The following TRIP12 variants were observed in gnomAD, a reference collection of about 807,000 sequenced individuals.
TRIP12 encodes the protein E3 ubiquitin-protein ligase TRIP12.
Under a neutral mutation model 244.2 loss-of-function variants are expected in TRIP12, and 25 were observed. The ratio of observed to expected loss-of-function variants is 0.10; its 90% CI spans 0.07 to 0.14. The LOEUF (loss-of-function observed/expected upper bound fraction) is 0.14, where lower values mean the gene tolerates loss of function less well. Among genes scored for constraint, TRIP12 ranks in the 10% least tolerant of loss-of-function variants. TRIP12 has a pLI of 1.00. For synonymous variants in TRIP12, 905 were observed against 873.1 expected (o/e 1.04, Z -0.64); for missense variants, 1,677 against 2,486.4 (o/e 0.67, Z 6.92).
At position 229,789,594 on chromosome 2, in the gene TRIP12, T is replaced by C. The variant is rs1309751508; in HGVS notation, c.4695+17A>G. On this transcript the variant is annotated intron_variant, in intron 31 of 41. Transcript: ENST00000675903. ...TCACAGACCATGAAAACTTCATAAA[T>C]AGGCAACATTACTCACATCATACAA... The C allele has an allele frequency of 2.5e-6, 4 of 1,605,374 alleles. No individual in the cohort carries two copies. The highest frequency in any genetic ancestry group is 2.7e-5 in the African/African-American group (2 of 74,656).
rs770119554 is a variant in TRIP12 at position 229,767,696 on chromosome 2, G to A, written c.6062C>T (p.Thr2021Ile). The A allele has an allele frequency of 3.1e-6, 5 of 1,613,962 alleles. No homozygotes were observed. The highest frequency in any genetic ancestry group is 1.3e-5 in the African/African-American group (1 of 74,922). ...LTIVRKTFES[T>I]ENPDDFLPSV... The stretch of plus-strand genomic sequence containing the variant: ...GGGCAAGAAGTCATCTGGGTTTTCT[G>A]TTGATTCAAACGTCTTTCGGACAAT... Residue 2021 changes from threonine (T) to isoleucine (I), a missense_variant, in exon 42 of 42, where the codon ACA (threonine) becomes ATA (isoleucine). Thr to Ile is a moderately conservative substitution (Grantham distance 89). Around this residue, in one of 11 missense-constraint regions of TRIP12, gnomAD observed 171 missense variants for 388.4 expected, o/e 0.44. Transcript: ENST00000675903.
rs2046430127 is a variant in TRIP12 at position 229,808,499 on chromosome 2, T to C, written c.2222-130A>G. 1.1e-5 allele frequency: 7 copies of C among 647,828 alleles called. No individual in the cohort carries two copies. In the South Asian group the frequency reaches 1.5e-4, roughly 14 times the overall value. 40.1% of individuals were successfully genotyped at this position (647,828 alleles called of 1,614,324 possible). ...TTACAAAGCAACATAATGCAGAAAT[T>C]AATGTAAAAAATGCAAAAGTGCTGT... On this transcript the variant is annotated intron_variant, in intron 15 of 41. Coordinates refer to ENST00000675903, the MANE Select transcript of TRIP12 (RefSeq NM_001348323.3).
intron 8 of TRIP12, among the ~76,000 whole-genome samples, chr2:229,827,356 C>G (rs922680418): frequency 2.6e-5 from 4 of 151,914 alleles, no homozygotes; most frequent in African/African-American, 9.7e-5. Context: ...CTTTTGTTAA[C>G]TATTTTGTAG....
At chr2:229,774,313 T>A in intron 37 of TRIP12, 52 bp from the exon 38 acceptor site, 2 of 1,538,870 alleles carry the variant, frequency 1.3e-6, no homozygotes, top group African/African-American at 1.4e-5. Context: ...TAACTTACGG[T>A]TGTTTAAAAA....
In TRIP12 at chr2:229,764,122, T is replaced by C. The variant is rs1381515595; in HGVS notation, c.*3432A>G. The C allele has an allele frequency of 1.3e-5, 2 of 152,248 alleles. No homozygotes were observed. Among genetic ancestry groups the C allele is most frequent in the Non-Finnish European group, 2.9e-5 (2 of 68,034 alleles). The allele number at this position is 152,248 out of a possible 1,614,324, so 9.4% of individuals were successfully genotyped here. A position where few individuals can be genotyped will look rare whatever the true frequency, so the allele number is the denominator to read the frequency against. ...TTAGCATTAAGAACTTTTCCTTGCA[T>C]AAGAATTGTTAACTTGAAGTTCTTG... On this transcript the variant is annotated 3_prime_UTR_variant, in exon 42 of 42. Coordinates refer to ENST00000675903, the MANE Select transcript of TRIP12 (RefSeq NM_001348323.3).
intron 9 of TRIP12, among the ~76,000 whole-genome samples, chr2:229,817,671 C>T (rs533926836): frequency 4.8e-4 from 73 of 152,130 alleles, no homozygotes; most frequent in African/African-American, 1.6e-3. Context: ...GAGATTAGAG[C>T]GATTCTCTGC....
At chr2:229,806,610 C>A (rs1206722914) in intron 17 of TRIP12, among the ~76,000 whole-genome samples, 1 of 152,108 alleles carries the variant, frequency 6.6e-6, no homozygotes, top group African/African-American at 2.4e-5. Flanking sequence ...AAAAAGAAGA[C>A]GACTTAGAGT....
chr2:229,785,458 T>C (rs76527901), intron 34 of TRIP12, among the ~76,000 whole-genome samples: 2,938 of 152,348 alleles, frequency 0.019, 46 homozygotes, highest in Non-Finnish European at 0.031. Flanking sequence ...TCAGTAAACC[T>C]GATTTTTTAA....
chr2:229,864,800 A>ATGTGCTTTCAAGATCATTT (rs2154340822), intron 2 of TRIP12, among the ~76,000 whole-genome samples: 1 of 152,256 alleles, frequency 6.6e-6, no homozygotes, highest in African/African-American at 2.4e-5. Flanking sequence ...ACTCTGGGTT[A>ATGTGCTTTCAAGATCATTT]TGTGCTTTCA....
At chr2:229,783,159 G>A (rs906305724) in intron 34 of TRIP12, among the ~76,000 whole-genome samples, 1 of 152,190 alleles carries the variant, frequency 6.6e-6, no homozygotes, top group African/African-American at 2.4e-5. Context: ...GGAATAACTT[G>A]TATCAATTTT....
rs2032214426 is a variant in TRIP12, at chr2:229,767,636, G to A, written c.6122C>T (p.Pro2041Leu). The A allele has an allele frequency of 6.2e-7, 1 of 1,614,002 alleles. No homozygotes were observed. ...CATTATCTCAATGCTTGAATAGTCC[G>A]GCAACTTAAGATAGTTCACACAAGT... Reference protein sequence around the residue: ...VMTCVNYLKLPDYSSIEIMRE... With the variant: ...VMTCVNYLKLLDYSSIEIMRE... The change falls in exon 42 of 42, where the codon CCG (proline) becomes CTG (leucine). Residue 2041 changes from proline to leucine, a missense_variant. Around this residue, in one of 11 missense-constraint regions of TRIP12, gnomAD observed 171 missense variants for 388.4 expected, o/e 0.44. Coordinates refer to ENST00000675903, the MANE Select transcript of TRIP12 (RefSeq NM_001348323.3).
At chr2:229,774,666 T>G (rs1253902913) in intron 37 of TRIP12, among the ~76,000 whole-genome samples, 1 of 152,128 alleles carries the variant, frequency 6.6e-6, no homozygotes, top group South Asian at 2.1e-4. Context: ...AATAATACAG[T>G]TGGGAAATCG....
chr2:229,791,525 C>T (rs1430518347), intron 29 of TRIP12, among the ~76,000 whole-genome samples: 1 of 152,226 alleles, frequency 6.6e-6, no homozygotes, highest in African/African-American at 2.4e-5. Context: ...CAGGAAGCTG[C>T]ATCCAAATCC....
At position 229,774,245 on chromosome 2, in the gene TRIP12, T is replaced by A. The variant is rs1478140628; in HGVS notation, c.5546A>T (p.Gln1849Leu). Residue 1849 changes from glutamine (Q) to leucine (L), a missense_variant, in exon 38 of 42, where the codon CAG becomes CTG. Coordinates refer to ENST00000675903, the MANE Select transcript of TRIP12 (RefSeq NM_001348323.3). ...QDKSQTKESL[Q>L]YALETLTMNG... ...CATAGTCAAGGTTTCTAATGCATAC[T>A]GTAGACTCTCTTTGGTCTAAAAAAC... is the stretch of plus-strand genomic sequence containing the variant. 6.2e-7 allele frequency: 1 copy of A among 1,612,370 alleles called. No individual in the cohort carries two copies. Among genetic ancestry groups the A allele is most frequent in the Non-Finnish European group, 8.5e-7 (1 of 1,179,502 alleles).
At chr2:229,864,099 T>C (rs1245023233) in intron 2 of TRIP12, among the ~76,000 whole-genome samples, 2 of 148,872 alleles carry the variant, frequency 1.3e-5, no homozygotes, top group African/African-American at 2.5e-5. Context: ...CGTGCACACA[T>C]GTGTTCAGGA....
Position 229,778,388 on chromosome 2 carries a change from AC to A in TRIP12, c.5364+44del. On this transcript the variant is annotated intron_variant, in intron 36 of 41. Transcript: ENST00000675903. This position sits in a 1 kb window ranked among gnomAD's most constrained non-coding sequence, Gnocchi z 4.1. Reference sequence around the variant, plus strand: ...CAGGGGACTGAGGTACTTGCACAGAACATTCTACACCAAAACTGCAAAAAGC... The same window carrying A: ...CAGGGGACTGAGGTACTTGCACAGAAATTCTACACCAAAACTGCAAAAAGC... 1 of 1,611,072 alleles carries A rather than the reference AC, an allele frequency of 6.2e-7. No individual in the cohort carries two copies. Among genetic ancestry groups the A allele is most frequent in the East Asian group, 2.2e-5 (1 of 44,846 alleles).
chr2:229,831,611 G>T (rs2053400094), intron 6 of TRIP12, among the ~76,000 whole-genome samples: 1 of 152,144 alleles, frequency 6.6e-6, no homozygotes, highest in Admixed American at 6.5e-5. Flanking sequence ...AGCCTGAGCG[G>T]CAGGGCCAGA....
rs767192384 is a variant in TRIP12 at position 229,798,937 on chromosome 2, T to C, written c.3420A>G (p.Ala1140=). 4.5e-5 allele frequency: 72 copies of C among 1,614,218 alleles called. 2 individuals are homozygous for C. The Middle Eastern group carries it at 6.6e-4, about 15-fold the overall frequency. The change falls in exon 23 of 42, where the codon GCA becomes GCG. Residue 1140 remains alanine, a synonymous_variant. Coordinates refer to ENST00000675903, the MANE Select transcript of TRIP12 (RefSeq NM_001348323.3). The stretch of plus-strand genomic sequence containing the variant: ...CAAGGCCACTACCTCCCGCAGTCCG[T>C]GCTGGCTCAATGTTGTTGCTGTTGG... ...TQSNSNNIEP[A]RTAGGSGLAR...
intron 7 of TRIP12, among the ~76,000 whole-genome samples, chr2:229,829,688 C>A (rs557665066): frequency 1.8e-4 from 27 of 152,266 alleles, no homozygotes; most frequent in Admixed American, 1.5e-3. Flanking sequence ...GTGGCTCACA[C>A]CTGTAATCCC....
Sources: gnomAD v4.1 joint callset for allele counts (sites outside exome capture counted in the v4.1 genomes callset) on GRCh38, gnomAD v4.1.1 for gene constraint, gnomAD v4.1.1 regional missense constraint, Gnocchi (gnomAD v3.1) non-coding constraint, MANE v1.5 for transcripts, NCBI Gene and HGNC (gene_info 2026-07-23, HGNC 2026-07-21) for gene names.